Variants in ITSN2 observed in about 807,000 individuals in gnomAD.
ITSN2 encodes intersectin-2.
ITSN2 carries 156 observed loss-of-function variants against 243.7 expected under a neutral mutation model. The observed-to-expected ratio is 0.64, with a 90% confidence interval of 0.56 to 0.73. The LOEUF is 0.73. Among genes scored for constraint, ITSN2 ranks in the 30% least tolerant of loss-of-function variants. The probability of loss-of-function intolerance (pLI) is 0.00; values close to 1 mark genes in which losing one functional copy is unlikely to be tolerated. For missense variants in ITSN2, 1,801 were observed against 1,996.1 expected (o/e 0.90, Z 1.86); for synonymous variants, 703 against 699.9 (o/e 1.00, Z -0.07).
chr2:24,271,360 T>C (rs1348670287), intron 19 of ITSN2, among the ~76,000 whole-genome samples: 1 of 152,220 alleles, frequency 6.6e-6, no homozygotes, highest in Non-Finnish European at 1.5e-5. Flanking sequence ...TTCAAAGGGT[T>C]CATGTATCTA....
In ITSN2 at chr2:24,348,909, C is replaced by CA. The variant is rs202072630; in HGVS notation, c.-34+11394dup. Among the ~76,000 whole-genome samples the CA allele has an allele frequency of 3.6e-3, 547 of 151,604 alleles. 9 individuals carry two copies. The East Asian group carries it at 0.067, about 19-fold the overall frequency. On this transcript the variant is annotated intron_variant, in intron 1 of 39. Coordinates refer to ENST00000355123, the MANE Select transcript of ITSN2 (RefSeq NM_006277.3). ...CTACAAATAAAGTATACTATCGCTG[C>CA]AAAAAAAATAGCACTTTTGAATATA... is the stretch of plus-strand genomic sequence containing the variant.
intron 15 of ITSN2, among the ~76,000 whole-genome samples, chr2:24,289,064 T>A (rs1679908676): frequency 6.6e-6 from 1 of 152,212 alleles, no homozygotes; most frequent in African/African-American, 2.4e-5. Context: ...TGCTTCCAAC[T>A]TTGTTTTTCT....
chr2:24,301,037 T>C (rs1681654762), intron 11 of ITSN2, 117 bp downstream of exon 11: 4 of 545,582 alleles, frequency 7.3e-6, no homozygotes, highest in Non-Finnish European at 1.3e-5. Flanking sequence ...CAAATAGTTT[T>C]TTCTCATATA....
intron 1 of ITSN2, among the ~76,000 whole-genome samples, chr2:24,355,504 T>C (rs905785888): frequency 1.3e-5 from 2 of 152,182 alleles, no homozygotes; most frequent in Admixed American, 6.5e-5. Context: ...ATTCTGTAAA[T>C]GGTGCTGGGA....
At chr2:24,344,298 T>C (rs925173542) in intron 1 of ITSN2, among the ~76,000 whole-genome samples, 48 of 152,232 alleles carry the variant, frequency 3.2e-4, no homozygotes, top group Non-Finnish European at 5.0e-4. Flanking sequence ...ACTGAGTATT[T>C]AGGTAGGACA....
intron 23 of ITSN2, among the ~76,000 whole-genome samples, chr2:24,257,443 A>G (rs1388474424): frequency 1.3e-5 from 2 of 151,990 alleles, no homozygotes; most frequent in Admixed American, 6.5e-5. Context: ...TTTTCATCCT[A>G]AGAATTACCT....
intron 22 of ITSN2, among the ~76,000 whole-genome samples, chr2:24,260,450 A>G (rs907911266): frequency 7.3e-5 from 11 of 151,710 alleles, no homozygotes; most frequent in African/African-American, 2.7e-4. Flanking sequence ...TAACGTTCCC[A>G]AATAACTTTA....
chr2:24,221,298 T>C, intron 29 of ITSN2: 2 of 484,928 alleles, frequency 4.1e-6, no homozygotes, highest in South Asian at 5.1e-5. Flanking sequence ...AACATTTCAA[T>C]GTGCTCCTAA....
At chr2:24,299,179 C>T (rs929488842) in intron 12 of ITSN2, among the ~76,000 whole-genome samples, 7 of 151,986 alleles carry the variant, frequency 4.6e-5, no homozygotes, top group Admixed American at 4.6e-4. Context: ...TACAGGCACA[C>T]ACCACCACAC....
chr2:24,267,338 A>G (rs1241724800), intron 20 of ITSN2, among the ~76,000 whole-genome samples: 1 of 151,706 alleles, frequency 6.6e-6, no homozygotes, highest in East Asian at 1.9e-4. Flanking sequence ...TACCTATGTA[A>G]CAAACCTGCA....
intron 17 of ITSN2, among the ~76,000 whole-genome samples, chr2:24,276,489 TAAAG>T (rs1251516998): frequency 3.3e-5 from 5 of 152,202 alleles, no homozygotes. Context: ...ACTTTGTCTT[TAAAG>T]AGTTCACAAT....
intron 37 of ITSN2, 132 bp downstream of exon 37, chr2:24,208,105 T>G (rs774151715): frequency 1.3e-6 from 1 of 796,000 alleles, no homozygotes; most frequent in African/African-American, 1.7e-5. Flanking sequence ...AGGGGAGGGC[T>G]CTCTGGTCTG....
At chr2:24,337,668 T>TC (rs1686609910) in intron 1 of ITSN2, among the ~76,000 whole-genome samples, 2 of 141,084 alleles carry the variant, frequency 1.4e-5, no homozygotes, top group South Asian at 2.3e-4. Context: ...TTTTTTTTTT[T>TC]CTAGAGACAT....
Position 24,213,114 on chromosome 2 carries a change from G to A in ITSN2, c.3991-366C>T, listed in dbSNP as rs140328103. ...TCCTCAGCTCTTTCCCATGACCTGT[G>A]CTGGGACTGTCCCCTGCCCTCTCTT... On this transcript the variant is annotated intron_variant, in intron 32 of 39. Transcript: ENST00000355123. 2.6e-5 allele frequency among the ~76,000 whole-genome samples: 4 copies of A among 152,112 alleles called. No homozygotes were observed. The East Asian group carries it at 7.7e-4, about 29-fold the overall frequency.
At position 24,261,845 on chromosome 2, in the gene ITSN2, C is replaced by T. The variant is rs376270768; in HGVS notation, c.2356-103G>A. On this transcript the variant is annotated intron_variant, in intron 20 of 39. Transcript: ENST00000355123. Reference sequence around the variant, plus strand: ...TAGTATTCTCATTTTCAGAATTAAGCCCATCTAACTAAACAGCTAAGGCAT... The same window carrying T: ...TAGTATTCTCATTTTCAGAATTAAGTCCATCTAACTAAACAGCTAAGGCAT... 2.7e-5 allele frequency: 22 copies of T among 801,292 alleles called. No homozygotes were observed. The African/African-American group carries it at 2.8e-4, about 10-fold the overall frequency. 49.6% of individuals were successfully genotyped at this position (801,292 alleles called of 1,614,324 possible).
At chr2:24,284,223 T>A (rs1454924252) in intron 17 of ITSN2, among the ~76,000 whole-genome samples, 1 of 152,250 alleles carries the variant, frequency 6.6e-6, no homozygotes, top group Non-Finnish European at 1.5e-5. Context: ...TAAACATTTT[T>A]ATCTGATGTG....
Position 24,310,547 on chromosome 2 carries a change from T to C in ITSN2, c.498A>G (p.Ser166=), listed in dbSNP as rs758442572. The change falls in exon 6 of 40, where the codon TCA becomes TCG. Residue 166 remains serine, a synonymous_variant. Transcript: ENST00000355123. ...TPLVPSVSTS[S]LPNGTASLIQ... ...TGAGACTGGCGGTTCCATTTGGTAA[T>C]GATGATGTGCTAACAGAAGGCACTA... 26 of 1,613,946 alleles carry C rather than the reference T, an allele frequency of 1.6e-5. No individual in the cohort carries two copies. The highest frequency in any genetic ancestry group is 1.6e-5 in the Non-Finnish European group (19 of 1,180,008).
intron 11 of ITSN2, among the ~76,000 whole-genome samples, chr2:24,300,486 G>A (rs1281659899): frequency 6.6e-6 from 1 of 152,210 alleles, no homozygotes. Flanking sequence ...GGGAGGCCAA[G>A]GTGGGCGGAT....
chr2:24,251,309 C>CAAAAAAAAAAAAAAAAAAAAAAA lies in ITSN2; in HGVS notation c.3120+1035_3120+1036insTTTTTTTTTTTTTTTTTTTTTTT, dbSNP rs1553355845. ...TGGGCAACAGAACTAAACTCCATCT[C>CAAAAAAAAAAAAAAAAAAAAAAA]AAAAAAAAAAAAAAATAAAATATAT... is the stretch of plus-strand genomic sequence containing the variant. On this transcript the variant is annotated intron_variant, in intron 25 of 39. Coordinates refer to ENST00000355123, the MANE Select transcript of ITSN2 (RefSeq NM_006277.3). Among the ~76,000 whole-genome samples, 2 of 22,016 alleles carry CAAAAAAAAAAAAAAAAAAAAAAA rather than the reference C, an allele frequency of 9.1e-5. 1 individual carries two copies. Among genetic ancestry groups the CAAAAAAAAAAAAAAAAAAAAAAA allele is most frequent in the Non-Finnish European group, 1.5e-4 (2 of 13,750 alleles). The allele number at this position is 22,016 out of a possible 152,430, so 14.4% of individuals were successfully genotyped here.
Sources: allele counts gnomAD v4.1 joint callset (sites outside exome capture counted in the v4.1 genomes callset), GRCh38; gene constraint gnomAD v4.1.1; transcripts MANE v1.5; gene names NCBI Gene and HGNC (gene_info 2026-07-23, HGNC 2026-07-21).